Variants in RNF150 observed in about 807,000 individuals in gnomAD.
The protein encoded by RNF150 is ring finger protein 150.
In RNF150, 24 loss-of-function variants were observed where a neutral mutation model predicts 39.3. That is an observed-to-expected ratio of 0.61 (90% CI 0.44 to 0.86). RNF150 has a LOEUF of 0.86. Ranked by LOEUF, RNF150 falls within the 40% of genes least tolerant of loss-of-function variation. The pLI is 0.00. For missense variants in RNF150, 502 were observed against 587.8 expected (o/e 0.85, Z 1.51); for synonymous variants, 255 against 227.3 (o/e 1.12, Z -1.10).
At chr4:140,977,972 A>G (rs1315305825) in intron 1 of RNF150, among the ~76,000 whole-genome samples, 1 of 152,176 alleles carries the variant, frequency 6.6e-6, no homozygotes, top group Admixed American at 6.5e-5. Context: ...TGGTATTACC[A>G]TACTTGTTGA....
chr4:140,952,882 G>C (rs1732595339), intron 2 of RNF150, among the ~76,000 whole-genome samples: 1 of 152,162 alleles, frequency 6.6e-6, no homozygotes, highest in South Asian at 2.1e-4. Context: ...TCCATTGTTA[G>C]GCGATTTCGT....
chr4:141,007,717 T>C (rs1332507717), intron 1 of RNF150, among the ~76,000 whole-genome samples: 1 of 152,188 alleles, frequency 6.6e-6, no homozygotes, highest in Non-Finnish European at 1.5e-5. Flanking sequence ...CTAGATGTAG[T>C]AGGATTAACA....
chr4:140,878,341 T>C (rs970583198), intron 6 of RNF150, among the ~76,000 whole-genome samples: 1 of 152,034 alleles, frequency 6.6e-6, no homozygotes, highest in Admixed American at 6.5e-5. Context: ...CAGCTAATTT[T>C]TGTACTTGTA....
chr4:140,933,435 A>G (rs775907932), intron 4 of RNF150, among the ~76,000 whole-genome samples: 9 of 152,204 alleles, frequency 5.9e-5, no homozygotes, highest in Non-Finnish European at 1.0e-4. Flanking sequence ...GCTCAAAGGA[A>G]ATGCTCACTG....
chr4:140,912,968 A>AGT (rs1560962371), intron 5 of RNF150, among the ~76,000 whole-genome samples: 1 of 149,104 alleles, frequency 6.7e-6, no homozygotes, highest in Non-Finnish European at 1.5e-5. Context: ...ATAAAAAAAA[A>AGT]AAAAAAAAAA....
intron 2 of RNF150, among the ~76,000 whole-genome samples, chr4:140,966,414 TAA>T (rs1055628909): frequency 1.3e-5 from 2 of 151,992 alleles, no homozygotes; most frequent in Non-Finnish European, 2.9e-5. Flanking sequence ...ATGGATAAAA[TAA>T]AAGACAATGA....
intron 6 of RNF150, among the ~76,000 whole-genome samples, chr4:140,878,370 C>T (rs975928229): frequency 6.6e-6 from 1 of 151,944 alleles, no homozygotes; most frequent in East Asian, 1.9e-4. Flanking sequence ...GGGGTTTTAC[C>T]ATATCAGCCA....
At position 140,860,555 on chromosome 4, in the gene RNF150, T is replaced by C. The variant is rs1484807713; in HGVS notation, c.*7706A>G. The C allele has an allele frequency of 6.6e-6, 1 of 152,192 alleles. No homozygotes were observed. Among genetic ancestry groups the C allele is most frequent in the Non-Finnish European group, 1.5e-5 (1 of 68,028 alleles). The allele number at this position is 152,192 out of a possible 1,614,324, so 9.4% of individuals were successfully genotyped here. On this transcript the variant is annotated 3_prime_UTR_variant, in exon 7 of 7. Transcript: ENST00000515673. ...AGCCAGAAAGACCTTGTGGGGAAGC[T>C]AAGTAGACTTTACCCCAACATCAAT...
chr4:140,882,825 T>C (rs1560946696), intron 6 of RNF150, among the ~76,000 whole-genome samples: 1 of 152,172 alleles, frequency 6.6e-6, no homozygotes, highest in Non-Finnish European at 1.5e-5. Context: ...AGTGACTGCC[T>C]TGTAGACGGC....
At chr4:140,869,142 C>A (rs1728831817) in intron 6 of RNF150, among the ~76,000 whole-genome samples, 1 of 152,136 alleles carries the variant, frequency 6.6e-6, no homozygotes, top group African/African-American at 2.4e-5. Context: ...TTGCAAGTAA[C>A]TTAAAGTCCA....
intron 1 of RNF150, among the ~76,000 whole-genome samples, chr4:141,038,444 C>G (rs1030655701): frequency 7.2e-5 from 11 of 152,084 alleles, no homozygotes; most frequent in Non-Finnish European, 1.6e-4. Flanking sequence ...AATCCCAGCA[C>G]TTTGGGAGGC....
chr4:140,935,422 T>A (rs148966934), intron 4 of RNF150, among the ~76,000 whole-genome samples: 1 of 152,010 alleles, frequency 6.6e-6, no homozygotes, highest in Non-Finnish European at 1.5e-5. Context: ...TTGGCATTCA[T>A]CCCGTGTGTC....
rs1449658265 is a variant in RNF150 at position 141,021,516 on chromosome 4, A to T, written c.485-53643T>A. ...GTAACAGAGGAAAAGGGGCATAATC[A>T]CTCAATGTGCCCCTCCACTTAGCTG... On this transcript the variant is annotated intron_variant, in intron 1 of 6. Coordinates refer to ENST00000515673, the MANE Select transcript of RNF150 (RefSeq NM_020724.2). 2.0e-5 allele frequency among the ~76,000 whole-genome samples: 3 copies of T among 151,982 alleles called. No individual in the cohort carries two copies. In the East Asian group the frequency reaches 5.8e-4, roughly 29 times the overall value.
chr4:141,140,010 G>A (rs1376729578), intron 1 of RNF150, among the ~76,000 whole-genome samples: 3 of 151,884 alleles, frequency 2.0e-5, no homozygotes, highest in South Asian at 2.1e-4. Flanking sequence ...TTTTGCTTTC[G>A]TAAGTTTTCT....
chr4:141,091,982 A>G (rs144404699), intron 1 of RNF150, among the ~76,000 whole-genome samples: 1 of 152,340 alleles, frequency 6.6e-6, no homozygotes. Flanking sequence ...ATCTGACTGC[A>G]ATCTCAGTAG....
chr4:141,035,962 C>T (rs924574024), intron 1 of RNF150, among the ~76,000 whole-genome samples: 1 of 151,810 alleles, frequency 6.6e-6, no homozygotes, highest in Non-Finnish European at 1.5e-5. Context: ...GCTTGAAGAG[C>T]ATCTTAAAAG....
At chr4:141,180,973 G>GT (rs781454154) in intron 1 of RNF150, among the ~76,000 whole-genome samples, 144 of 152,158 alleles carry the variant, frequency 9.5e-4, no homozygotes, top group Middle Eastern at 3.4e-3. Context: ...ATTATGGTGA[G>GT]TTTTTTTATA....
At chr4:141,102,955 T>G (rs6817313) in intron 1 of RNF150, among the ~76,000 whole-genome samples, 32,163 of 152,066 alleles carry the variant, frequency 0.21, 4,000 homozygotes, top group African/African-American at 0.35. Flanking sequence ...TTTCTTCTTG[T>G]CTTCTGATTC....
In RNF150 at chr4:141,106,846, T is replaced by C. The variant is rs78478313; in HGVS notation, c.484+25479A>G. ...CCATCTACAATATTCTAGTCTACAA[T>C]GTTCTAGTCTTTCCATCTACAATGT... On this transcript the variant is annotated intron_variant, in intron 1 of 6. Transcript: ENST00000515673. 6.7e-3 allele frequency among the ~76,000 whole-genome samples: 1,017 copies of C among 152,202 alleles called. 7 individuals carry two copies. The highest frequency in any genetic ancestry group is 0.023 in the African/African-American group (946 of 41,542).
Sources: allele counts gnomAD v4.1 joint callset (sites outside exome capture counted in the v4.1 genomes callset), GRCh38; gene constraint gnomAD v4.1.1; transcripts MANE v1.5; gene names NCBI Gene and HGNC (gene_info 2026-07-23, HGNC 2026-07-21).